Variants in CNTNAP3 observed in about 807,000 individuals in gnomAD.
CNTNAP3 encodes the protein contactin associated protein family member 3.
CNTNAP3 carries 36 observed loss-of-function variants against 92.1 expected under a neutral mutation model. The ratio of observed to expected loss-of-function variants is 0.39; its 90% CI spans 0.30 to 0.52. The LOEUF is 0.52. CNTNAP3 is among the 20% of genes least tolerant of loss of function. CNTNAP3 has a pLI of 0.76. For synonymous variants in CNTNAP3, 232 were observed against 422.3 expected (o/e 0.55, Z 5.53); for missense variants, 534 against 1,069.6 (o/e 0.50, Z 6.98).
At position 39,140,357 on chromosome 9, in the gene CNTNAP3, A is replaced by C. The variant is rs193244444; in HGVS notation, c.1876+162T>G. Among the ~76,000 whole-genome samples the C allele has an allele frequency of 2.4e-3, 358 of 152,246 alleles. 1 individual carries two copies. Among genetic ancestry groups the C allele is most frequent in the Non-Finnish European group, 3.7e-3 (251 of 68,004 alleles). ...TATAATCCAACCCAGGCAAACAAGA[A>C]ATACAAGAAAATTTTGTTGACAACA... On this transcript the variant is annotated intron_variant, in intron 12 of 23. Coordinates refer to ENST00000297668, the MANE Select transcript of CNTNAP3 (RefSeq NM_033655.5).
chr9:39,101,584 A>T (rs1826456267), intron 17 of CNTNAP3, among the ~76,000 whole-genome samples: 2 of 143,080 alleles, frequency 1.4e-5, no homozygotes, highest in African/African-American at 5.1e-5. Flanking sequence ...ATAAACAAGG[A>T]GCCTGTGATG....
intron 14 of CNTNAP3, among the ~76,000 whole-genome samples, chr9:39,113,262 G>C (rs1044227552): frequency 2.6e-5 from 4 of 152,042 alleles, no homozygotes; most frequent in African/African-American, 9.7e-5. Context: ...TACTATCCAC[G>C]ACAGTAGTGA....
At chr9:39,133,741 C>CT (rs1821361248) in intron 12 of CNTNAP3, among the ~76,000 whole-genome samples, 1 of 151,824 alleles carries the variant, frequency 6.6e-6, no homozygotes, top group Admixed American at 6.6e-5. Context: ...TGATGTATCT[C>CT]TGTCACTTGA....
chr9:39,137,974 C>T (rs1006599068), intron 12 of CNTNAP3, among the ~76,000 whole-genome samples: 6 of 151,802 alleles, frequency 4.0e-5, no homozygotes, highest in African/African-American at 1.5e-4. Flanking sequence ...ATCCTCCCAC[C>T]TCAGCCTCCC....
At chr9:39,088,030 T>C (rs1758498) in intron 19 of CNTNAP3, among the ~76,000 whole-genome samples, 1 of 152,242 alleles carries the variant, frequency 6.6e-6, no homozygotes, top group Non-Finnish European at 1.5e-5. Flanking sequence ...TATATAGTTG[T>C]ACTATAACAT....
In CNTNAP3 at chr9:39,066,138, T is replaced by A. The variant is rs1410317289; in HGVS notation, c.*7752A>T. Among the ~76,000 whole-genome samples, 1 of 152,252 alleles carries A rather than the reference T, an allele frequency of 6.6e-6. No homozygotes were observed. Among genetic ancestry groups the A allele is most frequent in the Non-Finnish European group, 1.5e-5 (1 of 68,036 alleles). ...AATATTGTAATATTATCACTGTTTT[T>A]GTTACTCTAGCATTTGCTTTAGGGA... On this transcript the variant is annotated 3_prime_UTR_variant, in exon 24 of 24. Coordinates refer to ENST00000297668, the MANE Select transcript of CNTNAP3 (RefSeq NM_033655.5).
chr9:39,096,034 C>T (rs2315471), intron 18 of CNTNAP3, among the ~76,000 whole-genome samples: 24 of 151,572 alleles, frequency 1.6e-4, no homozygotes, highest in Middle Eastern at 3.4e-3. Context: ...CATTTGGTGT[C>T]ATTCCTTATT....
At chr9:39,113,059 T>C (rs1587713746) in intron 14 of CNTNAP3, among the ~76,000 whole-genome samples, 2 of 151,526 alleles carry the variant, frequency 1.3e-5, no homozygotes, top group African/African-American at 4.8e-5. Context: ...TTTGGGCTAA[T>C]TTTTTTTTGT....
chr9:39,103,357 A>G (rs2019865), intron 16 of CNTNAP3, among the ~76,000 whole-genome samples: 13 of 150,910 alleles, frequency 8.6e-5, no homozygotes, highest in South Asian at 2.1e-4. Context: ...CGAGGCAGGC[A>G]GATCACTTGA....
chr9:39,096,070 C>CGGGT (rs768993195), intron 18 of CNTNAP3, among the ~76,000 whole-genome samples: 3 of 140,664 alleles, frequency 2.1e-5, no homozygotes. Flanking sequence ...TCCCATCTGT[C>CGGGT]TCCTCTGTGC....
chr9:39,104,533 C>T lies in CNTNAP3; in HGVS notation c.2366-619G>A, dbSNP rs1299471731. On this transcript the variant is annotated intron_variant, in intron 15 of 23. Transcript: ENST00000297668. ...ACACACACACACACTGTCTTAATTC[C>T]TTTCATGGCAAGAACAATCAAGAAC... 3.4e-5 allele frequency among the ~76,000 whole-genome samples: 5 copies of T among 147,798 alleles called. No individual in the cohort carries two copies. In the East Asian group the frequency reaches 1.0e-3, roughly 30 times the overall value.
At chr9:39,138,945 T>C (rs1444609113) in intron 12 of CNTNAP3, among the ~76,000 whole-genome samples, 1 of 152,208 alleles carries the variant, frequency 6.6e-6, no homozygotes, top group Non-Finnish European at 1.5e-5. Flanking sequence ...TTACTTGTTC[T>C]TAAGACAGAG....
At chr9:39,132,649 G>A (rs1821320358) in intron 13 of CNTNAP3, among the ~76,000 whole-genome samples, 1 of 152,084 alleles carries the variant, frequency 6.6e-6, no homozygotes, top group Admixed American at 6.5e-5. Flanking sequence ...CAGTGTGAAC[G>A]GAAAGCTAAG....
intron 18 of CNTNAP3, among the ~76,000 whole-genome samples, chr9:39,097,870 A>G (rs1587705419): frequency 6.6e-6 from 1 of 150,424 alleles, no homozygotes; most frequent in East Asian, 2.0e-4. Flanking sequence ...GACTTTCAAT[A>G]GTTGTTTTTT....
Position 39,114,035 on chromosome 9 carries a change from T to TACACACAC in CNTNAP3, c.2237+4060_2237+4067dup, listed in dbSNP as rs767827479. On this transcript the variant is annotated intron_variant, in intron 14 of 23. Transcript: ENST00000297668. ...ACACACATATATATACACACATATA[T>TACACACAC]ACACACACACACACACACACATATA... 6.5e-3 allele frequency among the ~76,000 whole-genome samples: 915 copies of TACACACAC among 141,522 alleles called. 17 individuals carry two copies. In the South Asian group the frequency reaches 0.068, roughly 10 times the overall value. The allele number at this position is 141,522 out of a possible 152,430, so 92.8% of individuals were successfully genotyped here. A position where few individuals can be genotyped will look rare whatever the true frequency, so the allele number is the denominator to read the frequency against.
intron 13 of CNTNAP3, among the ~76,000 whole-genome samples, chr9:39,130,176 C>A (rs940458297): frequency 1.3e-5 from 2 of 152,164 alleles, no homozygotes; most frequent in African/African-American, 4.8e-5. Flanking sequence ...GATGTTCACA[C>A]AAAACCTGTA....
At chr9:39,080,603 T>C (rs1267486543) in intron 21 of CNTNAP3, among the ~76,000 whole-genome samples, 3 of 137,934 alleles carry the variant, frequency 2.2e-5, no homozygotes, top group African/African-American at 8.1e-5. Context: ...TGATACAAGA[T>C]GGTTTTACAT....
In CNTNAP3 at chr9:39,118,271, G is replaced by A; in HGVS notation, c.2081-12C>T. On this transcript the variant is annotated splice_polypyrimidine_tract_variant and intron_variant, in intron 13 of 23. Coordinates refer to ENST00000297668, the MANE Select transcript of CNTNAP3 (RefSeq NM_033655.5). ...CAGTGGGGTTCCATCTGAAAGACAAGTATAAGAAACATGACATCTACTTTG... is the reference window on the plus strand; with the variant it reads ...CAGTGGGGTTCCATCTGAAAGACAAATATAAGAAACATGACATCTACTTTG... 1 of 1,612,952 alleles carries A rather than the reference G, an allele frequency of 6.2e-7. No individual in the cohort carries two copies. The highest frequency in any genetic ancestry group is 8.5e-7 in the Non-Finnish European group (1 of 1,179,646).
At chr9:39,131,756 G>C (rs1216567258) in intron 13 of CNTNAP3, among the ~76,000 whole-genome samples, 1 of 152,022 alleles carries the variant, frequency 6.6e-6, no homozygotes, top group African/African-American at 2.4e-5. Flanking sequence ...AATCCGGGAG[G>C]GGAGGGGGTT....
Sources: allele counts gnomAD v4.1 joint callset (sites outside exome capture counted in the v4.1 genomes callset), GRCh38; gene constraint gnomAD v4.1.1; transcripts MANE v1.5; gene names NCBI Gene and HGNC (gene_info 2026-07-23, HGNC 2026-07-21).